The following EFNB2 variants were observed in gnomAD, a reference collection of about 807,000 sequenced individuals.
EFNB2 encodes ephrin-B2.
EFNB2 carries 5 observed loss-of-function variants against 32.1 expected under a neutral mutation model. That is an observed-to-expected ratio of 0.16 (90% CI 0.08 to 0.33). EFNB2 has a LOEUF of 0.33. EFNB2 is among the 10% of genes least tolerant of loss of function. The pLI is 1.00. For synonymous variants in EFNB2, 168 were observed against 166.5 expected, an observed-to-expected ratio of 1.01 and a Z score of -0.07; for missense variants, 263 against 422.6, an observed-to-expected ratio of 0.62 and a Z score of 3.31.
At chr13:106,501,668 C>T (rs1878785305) in intron 2 of EFNB2, among the ~76,000 whole-genome samples, 1 of 151,824 alleles carries the variant, frequency 6.6e-6, no homozygotes, top group Non-Finnish European at 1.5e-5. Context: ...TCTTGGCTCA[C>T]CACAAGCTCT....
At position 106,492,705 on chromosome 13, in the gene EFNB2, G is replaced by T. The variant is rs1450166171; in HGVS notation, c.*335C>A. ...CTGCCAGGATGCTCACAGCCCTCTC[G>T]TCCACAAACCACTGTCTTCCCTTGG... On this transcript the variant is annotated 3_prime_UTR_variant, in exon 5 of 5. Transcript: ENST00000646441. The surrounding 1 kb of genome is among the most constrained non-coding windows in gnomAD (Gnocchi z 5.1). 1.3e-5 allele frequency: 3 copies of T among 225,106 alleles called. No individual in the cohort carries two copies. The highest frequency in any genetic ancestry group is 8.9e-5 in the East Asian group (1 of 11,220). The allele number at this position is 225,106 out of a possible 1,614,324, so 13.9% of individuals were successfully genotyped here. A position where few individuals can be genotyped will look rare whatever the true frequency, so the allele number is the denominator to read the frequency against.
In EFNB2 at chr13:106,494,926, T is replaced by C. The variant is rs894985504; in HGVS notation, c.568A>G (p.Asn190Asp). The C allele has an allele frequency of 1.9e-6, 3 of 1,614,086 alleles. No homozygotes were observed. The highest frequency in any genetic ancestry group is 3.3e-5 in the Admixed American group (2 of 60,014). ...GGACTTGTTGTCGAACTTCTTCCAT[T>C]TGTACCAGCTTCTAGTTCTGGACGT... ...TRRPELEAGT[N>D]GRSSTTSPFV... Residue 190 changes from asparagine to aspartate, a missense_variant, in exon 4 of 5, where the codon AAT becomes GAT. By Grantham distance (23) the Asn-to-Asp change is conservative. Transcript: ENST00000646441.
chr13:106,528,682 C>T (rs536308646), intron 1 of EFNB2, among the ~76,000 whole-genome samples: 7 of 152,130 alleles, frequency 4.6e-5, no homozygotes, highest in African/African-American at 1.4e-4. Context: ...TGGCTTGACC[C>T]GATTGCGGAT....
intron 2 of EFNB2, among the ~76,000 whole-genome samples, chr13:106,503,764 GAA>G (rs113767795): frequency 1.4e-5 from 2 of 144,624 alleles, no homozygotes; most frequent in East Asian, 4.0e-4. Context: ...CCCATGTCTT[GAA>G]AAAAAAAAAG....
At chr13:106,531,593 TGGACTGTTTAA>T (rs1879873865) in intron 1 of EFNB2, among the ~76,000 whole-genome samples, 1 of 152,260 alleles carries the variant, frequency 6.6e-6, no homozygotes, top group African/African-American at 2.4e-5. Flanking sequence ...TGTTATTGAA[TGGACTGTTTAA>T]ACAGCACTAT....
Position 106,535,037 on chromosome 13 carries a change from T to C in EFNB2, c.-73A>G, listed in dbSNP as rs1329797059. Reference sequence around the variant, plus strand: ...ACGGGACGCAGGCTGGGACCCCCAATCCTCCGGGGCAGACTGGCGGGGAAG... The same window carrying C: ...ACGGGACGCAGGCTGGGACCCCCAACCCTCCGGGGCAGACTGGCGGGGAAG... On this transcript the variant is annotated 5_prime_UTR_variant, in exon 1 of 5. Coordinates refer to ENST00000646441, the MANE Select transcript of EFNB2 (RefSeq NM_004093.4). 6.3e-7 allele frequency: 1 copy of C among 1,582,056 alleles called. No individual in the cohort carries two copies. The highest frequency in any genetic ancestry group is 8.6e-7 in the Non-Finnish European group (1 of 1,165,610).
At chr13:106,504,200 A>G (rs1461509549) in intron 2 of EFNB2, among the ~76,000 whole-genome samples, 4 of 152,202 alleles carry the variant, frequency 2.6e-5, no homozygotes, top group Admixed American at 1.3e-4. Flanking sequence ...ACATCCCACA[A>G]CCCTCTAGCT....
At chr13:106,525,514 G>A (rs750336451) in intron 1 of EFNB2, among the ~76,000 whole-genome samples, 3 of 152,212 alleles carry the variant, frequency 2.0e-5, no homozygotes, top group African/African-American at 2.4e-5. Context: ...GTGTTCACAG[G>A]TGGACGTGAT....
chr13:106,502,766 T>G (rs1467573821), intron 2 of EFNB2, among the ~76,000 whole-genome samples: 1 of 152,228 alleles, frequency 6.6e-6, no homozygotes, highest in Non-Finnish European at 1.5e-5. Context: ...AGTGAAGACA[T>G]TCAGGGCCAT....
intron 2 of EFNB2, among the ~76,000 whole-genome samples, chr13:106,496,468 A>C (rs1032348444): frequency 6.6e-6 from 1 of 152,204 alleles, no homozygotes; most frequent in African/African-American, 2.4e-5. Context: ...TATTACTGCC[A>C]ATGTCAACCT....
rs1879400778 is a variant in EFNB2, at chr13:106,518,794, T to C, written c.123-5982A>G. On this transcript the variant is annotated intron_variant, in intron 1 of 4. Coordinates refer to ENST00000646441, the MANE Select transcript of EFNB2 (RefSeq NM_004093.4). The surrounding 1 kb of genome is among the most constrained non-coding windows in gnomAD (Gnocchi z 4.1). Reference sequence around the variant, plus strand: ...CGGCCACTCCATTTTCCCTGCTTCTTTCTTCCTCTGACCATACTACACGCA... The same window carrying C: ...CGGCCACTCCATTTTCCCTGCTTCTCTCTTCCTCTGACCATACTACACGCA... 6.6e-6 allele frequency: 1 copy of C among 152,312 alleles called. No individual in the cohort carries two copies. The allele number at this position is 152,312 out of a possible 1,614,324, so 9.4% of individuals were successfully genotyped here. A position where few individuals can be genotyped will look rare whatever the true frequency, so the allele number is the denominator to read the frequency against.
intron 1 of EFNB2, chr13:106,516,797 C>T (rs1212147244): frequency 6.6e-6 from 1 of 152,156 alleles, no homozygotes; most frequent in African/African-American, 2.4e-5. Flanking sequence ...AACCCTTCCC[C>T]AGGAGGCCAG....
At chr13:106,511,570 T>G (rs976173958) in intron 2 of EFNB2, among the ~76,000 whole-genome samples, 4 of 152,190 alleles carry the variant, frequency 2.6e-5, no homozygotes, top group African/African-American at 9.7e-5. Context: ...CCTAAAGTTT[T>G]AGAGTCCACC....
At chr13:106,508,624 T>C (rs1318936166) in intron 2 of EFNB2, among the ~76,000 whole-genome samples, 12 of 152,186 alleles carry the variant, frequency 7.9e-5, no homozygotes. Flanking sequence ...GGCTATGTCT[T>C]GATACTTGAT....
chr13:106,529,510 C>T (rs534035949), intron 1 of EFNB2, among the ~76,000 whole-genome samples: 1 of 152,326 alleles, frequency 6.6e-6, no homozygotes, highest in South Asian at 2.1e-4. Context: ...TTCTTTACTG[C>T]CTCAGCCATC....
chr13:106,499,072 A>G (rs183207302), intron 2 of EFNB2, among the ~76,000 whole-genome samples: 34 of 152,268 alleles, frequency 2.2e-4, no homozygotes, highest in Non-Finnish European at 2.1e-4. Context: ...CAGTTAGTAC[A>G]CTGGTACTAA....
At chr13:106,531,356 C>G (rs948141855) in intron 1 of EFNB2, among the ~76,000 whole-genome samples, 1 of 152,246 alleles carries the variant, frequency 6.6e-6, no homozygotes, top group African/African-American at 2.4e-5. Flanking sequence ...CCATTACCTA[C>G]AGTTTATCAT....
chr13:106,509,741 C>G (rs1461735331), intron 2 of EFNB2: 1 of 151,330 alleles, frequency 6.6e-6, no homozygotes, highest in Non-Finnish European at 1.5e-5. Context: ...GGAACTTATG[C>G]AGAAGCAATA....
chr13:106,507,516 T>C (rs1029389066), intron 2 of EFNB2, among the ~76,000 whole-genome samples: 7 of 152,210 alleles, frequency 4.6e-5, no homozygotes, highest in African/African-American at 1.7e-4. Flanking sequence ...TTCATTATAT[T>C]TGTGGAAGCA....
Sources: gnomAD v4.1 joint callset for allele counts (sites outside exome capture counted in the v4.1 genomes callset) on GRCh38, gnomAD v4.1.1 for gene constraint, Gnocchi (gnomAD v3.1) non-coding constraint, MANE v1.5 for transcripts, NCBI Gene and HGNC (gene_info 2026-07-23, HGNC 2026-07-21) for gene names.